The following AGBL1 variants were observed in gnomAD, a reference collection of about 807,000 sequenced individuals.
AGBL1 encodes cytosolic carboxypeptidase 4.
AGBL1 carries 130 observed loss-of-function variants against 118.9 expected under a neutral mutation model. That is an observed-to-expected ratio of 1.09 (90% CI 0.95 to 1.26). The LOEUF is 1.26. Ranked by LOEUF, AGBL1 falls within the 50% of genes most tolerant of loss-of-function variation. The pLI, the probability that AGBL1 is intolerant of heterozygous loss-of-function variation, is 0.00. For synonymous variants in AGBL1, 555 were observed against 478.9 expected, an observed-to-expected ratio of 1.16 and a Z score of -2.08; for missense variants, 1,584 against 1,298.1, an observed-to-expected ratio of 1.22 and a Z score of -3.38.
chr15:86,878,640 A>C (rs1424421399), intron 22 of AGBL1, among the ~76,000 whole-genome samples: 1 of 151,936 alleles, frequency 6.6e-6, no homozygotes, highest in African/African-American at 2.4e-5. Context: ...CCACATTGTA[A>C]TGTAATCATC....
intron 18 of AGBL1, among the ~76,000 whole-genome samples, chr15:86,503,065 T>C (rs1277666287): frequency 6.6e-6 from 1 of 151,584 alleles, no homozygotes; most frequent in Non-Finnish European, 1.5e-5. Context: ...GTCCTATACT[T>C]GGTCTTCAGC....
intron 22 of AGBL1, among the ~76,000 whole-genome samples, chr15:86,795,013 AC>A (rs149285383): frequency 0.024 from 3,596 of 152,222 alleles, 151 homozygotes; most frequent in African/African-American, 0.082. Context: ...AAAATAAGAG[AC>A]CCAGCACCCT....
At chr15:86,419,355 G>C (rs867309692) in intron 18 of AGBL1, among the ~76,000 whole-genome samples, 5 of 152,274 alleles carry the variant, frequency 3.3e-5, no homozygotes, top group African/African-American at 4.8e-5. Context: ...GGAAGTTCAA[G>C]AGGTCAGGAA....
chr15:86,344,998 A>C (rs1181520151), intron 17 of AGBL1, among the ~76,000 whole-genome samples: 2 of 152,120 alleles, frequency 1.3e-5, no homozygotes, highest in African/African-American at 4.8e-5. Context: ...TTATTTAATC[A>C]ATCTATTCAT....
chr15:86,474,118 AATAGCTCAAGTCT>A (rs2082519063), intron 18 of AGBL1, among the ~76,000 whole-genome samples: 1 of 152,170 alleles, frequency 6.6e-6, no homozygotes, highest in Non-Finnish European at 1.5e-5. Context: ...GCCAAATAGG[AATAGCTCAAGTCT>A]ACAGCTCCCA....
Position 86,708,339 on chromosome 15 carries a change from C to T in AGBL1, c.3158+33903C>T, listed in dbSNP as rs115288172. On this transcript the variant is annotated intron_variant, in intron 22 of 22. Transcript: ENST00000614907. ...AAAGACATAGGAGAGGTCATTCTCT[C>T]TGCAGGTGTACACAAGGAGAAAGGC... is the stretch of plus-strand genomic sequence containing the variant. Among the ~76,000 whole-genome samples, 678 of 152,152 alleles carry T rather than the reference C, an allele frequency of 4.5e-3. 8 individuals carry two copies. The highest frequency in any genetic ancestry group is 0.014 in the African/African-American group (591 of 41,530).
chr15:86,216,683 G>T (rs1597570355), intron 5 of AGBL1, among the ~76,000 whole-genome samples: 1 of 151,990 alleles, frequency 6.6e-6, no homozygotes, highest in East Asian at 1.9e-4. Context: ...CTTTCTACTG[G>T]TCTCTGGCTT....
At chr15:86,512,166 G>A (rs2083059782) in intron 18 of AGBL1, among the ~76,000 whole-genome samples, 1 of 151,852 alleles carries the variant, frequency 6.6e-6, no homozygotes, top group African/African-American at 2.4e-5. Flanking sequence ...AATGTCTGGT[G>A]GAAAAAACCA....
intron 1 of AGBL1, among the ~76,000 whole-genome samples, chr15:86,125,475 C>T (rs2141593216): frequency 6.6e-6 from 1 of 152,264 alleles, no homozygotes; most frequent in South Asian, 2.1e-4. Flanking sequence ...TTGAGAACTC[C>T]CATTCTGCTG....
chr15:86,888,836 A>C (rs146618322), intron 22 of AGBL1, among the ~76,000 whole-genome samples: 88 of 152,274 alleles, frequency 5.8e-4, no homozygotes, highest in African/African-American at 2.0e-3. Context: ...CAGAAAGAGA[A>C]AGCTGCAGAG....
Position 86,589,170 on chromosome 15 carries a change from A to T in AGBL1, c.2994+34633A>T, listed in dbSNP as rs74536254. Among the ~76,000 whole-genome samples the T allele has an allele frequency of 1.3e-3, 197 of 152,276 alleles. 3 individuals are homozygous for T. Among genetic ancestry groups the T allele is most frequent in the African/African-American group, 4.6e-3 (191 of 41,556 alleles). The stretch of plus-strand genomic sequence containing the variant: ...TACTCATTACTTAGTGCCGGATGAG[A>T]TGTCAGAGCCCCGGCATCAGAAAGT... On this transcript the variant is annotated intron_variant, in intron 21 of 22. Coordinates refer to ENST00000614907, the MANE Select transcript of AGBL1 (RefSeq NM_001386094.1).
chr15:86,330,741 G>A (rs1279685341), intron 17 of AGBL1, among the ~76,000 whole-genome samples: 2 of 151,934 alleles, frequency 1.3e-5, no homozygotes, highest in Non-Finnish European at 2.9e-5. Context: ...AAGCAATCCA[G>A]GAAATGAAGG....
At chr15:86,551,689 C>T (rs1244278830) in intron 20 of AGBL1, among the ~76,000 whole-genome samples, 1 of 152,074 alleles carries the variant, frequency 6.6e-6, no homozygotes, top group Non-Finnish European at 1.5e-5. Flanking sequence ...AAACACTTGC[C>T]AACTCATTTT....
chr15:86,658,600 G>T (rs1433558272), intron 21 of AGBL1, among the ~76,000 whole-genome samples: 1 of 152,040 alleles, frequency 6.6e-6, no homozygotes, highest in African/African-American at 2.4e-5. Flanking sequence ...CTGGACCTTG[G>T]TTTTGGCCAG....
At chr15:86,248,878 T>C (rs943861148) in intron 7 of AGBL1, among the ~76,000 whole-genome samples, 1 of 151,932 alleles carries the variant, frequency 6.6e-6, no homozygotes, top group African/African-American at 2.4e-5. Context: ...GAGAGAGAGG[T>C]CAAGTCATCT....
chr15:86,656,729 C>T (rs1340351182), intron 21 of AGBL1, among the ~76,000 whole-genome samples: 1 of 152,128 alleles, frequency 6.6e-6, no homozygotes, highest in Non-Finnish European at 1.5e-5. Flanking sequence ...TCTTCCTTTA[C>T]ACCCCCTGAG....
At chr15:86,354,252 A>G (rs765177587) in intron 17 of AGBL1, among the ~76,000 whole-genome samples, 1 of 152,224 alleles carries the variant, frequency 6.6e-6, no homozygotes, top group South Asian at 2.1e-4. Flanking sequence ...GCAGAAATTC[A>G]TTTGATTATT....
intron 22 of AGBL1, among the ~76,000 whole-genome samples, chr15:86,810,654 A>G (rs1009469108): frequency 6.6e-6 from 1 of 152,146 alleles, no homozygotes; most frequent in Middle Eastern, 3.2e-3. Flanking sequence ...TTGAGTTCAG[A>G]GTTCTCTCTG....
At chr15:86,763,740 A>T (rs960391452) in intron 22 of AGBL1, among the ~76,000 whole-genome samples, 36 of 152,038 alleles carry the variant, frequency 2.4e-4, no homozygotes, top group African/African-American at 8.4e-4. Context: ...GTGACTTCAG[A>T]CAAGTTACAA....
Sources: gnomAD v4.1 joint callset for allele counts (sites outside exome capture counted in the v4.1 genomes callset) on GRCh38, gnomAD v4.1.1 for gene constraint, MANE v1.5 for transcripts, NCBI Gene and HGNC (gene_info 2026-07-23, HGNC 2026-07-21) for gene names.